Variants in CTNNA2 observed in about 807,000 individuals in gnomAD.
The protein encoded by CTNNA2 is catenin alpha 2, also known as catenin alpha-2.
In CTNNA2, 42 loss-of-function variants were observed where a neutral mutation model predicts 101.0. That is an observed-to-expected ratio of 0.42 (90% CI 0.32 to 0.54). The LOEUF is 0.54. Ranked by LOEUF, CTNNA2 falls within the 20% of genes least tolerant of loss-of-function variation. The probability of loss-of-function intolerance (pLI) is 0.14; values close to 1 mark genes in which losing one functional copy is unlikely to be tolerated. For synonymous variants in CTNNA2, 450 were observed against 456.4 expected, an observed-to-expected ratio of 0.99 and a Z score of 0.18; for missense variants, 871 against 1,223.1, an observed-to-expected ratio of 0.71 and a Z score of 4.29.
At chr2:80,272,913 T>G (rs568012152) in intron 7 of CTNNA2, among the ~76,000 whole-genome samples, 2 of 152,310 alleles carry the variant, frequency 1.3e-5, no homozygotes, top group Admixed American at 6.5e-5. Context: ...TAATTTTGAT[T>G]AGAAAATCTG....
intron 7 of CTNNA2, among the ~76,000 whole-genome samples, chr2:80,013,937 T>A (rs1693957901): frequency 6.6e-6 from 1 of 152,192 alleles, no homozygotes; most frequent in Non-Finnish European, 1.5e-5. Context: ...AGGCACTTGT[T>A]GAGTGCAGTC....
At chr2:80,324,254 G>T (rs960757060) in intron 7 of CTNNA2, among the ~76,000 whole-genome samples, 2 of 152,166 alleles carry the variant, frequency 1.3e-5, no homozygotes, top group African/African-American at 4.8e-5. Context: ...TTTGAAGGGG[G>T]TCGACAAAGG....
At chr2:79,780,988 G>C (rs570634819) in intron 3 of CTNNA2, among the ~76,000 whole-genome samples, 4 of 152,246 alleles carry the variant, frequency 2.6e-5, no homozygotes. Flanking sequence ...CCAAGAGAGG[G>C]TTCTTGGATC....
rs539960461 is a variant in CTNNA2 at position 80,452,211 on chromosome 2, T to G, written c.1290+32610T>G. 4.5e-4 allele frequency among the ~76,000 whole-genome samples: 69 copies of G among 151,990 alleles called. No individual in the cohort carries two copies. The South Asian group carries it at 0.01, about 23-fold the overall frequency. ...ACCTAGTACATAATGCAATCAGGAT[T>G]CACAGCTAGGTTTATTTAACTTCAG... On this transcript the variant is annotated intron_variant, in intron 9 of 18. Coordinates refer to ENST00000402739, the MANE Select transcript of CTNNA2 (RefSeq NM_001282597.3).
At chr2:79,900,856 A>T (rs1685024874) in intron 6 of CTNNA2, among the ~76,000 whole-genome samples, 1 of 152,196 alleles carries the variant, frequency 6.6e-6, no homozygotes, top group Non-Finnish European at 1.5e-5. Context: ...TGGACACCTC[A>T]TTTACCCTGA....
intron 13 of CTNNA2, among the ~76,000 whole-genome samples, chr2:80,581,322 T>A (rs1695520971): frequency 1.3e-5 from 2 of 152,136 alleles, no homozygotes; most frequent in South Asian, 4.1e-4. Flanking sequence ...GATAATCAAC[T>A]TTTTTGTTTA....
intron 9 of CTNNA2, among the ~76,000 whole-genome samples, chr2:80,461,919 G>A (rs1440029112): frequency 6.6e-6 from 1 of 152,208 alleles, no homozygotes; most frequent in Non-Finnish European, 1.5e-5. Flanking sequence ...TATGCAAGTT[G>A]TCAGCAAGGG....
At chr2:80,116,059 T>C (rs1701498071) in intron 7 of CTNNA2, among the ~76,000 whole-genome samples, 2 of 152,170 alleles carry the variant, frequency 1.3e-5, no homozygotes, top group South Asian at 2.1e-4. Context: ...ATAAACTTTT[T>C]TTTTTCCCGT....
At chr2:79,352,460 T>C (rs11676248) in intron 3 of CTNNA2, among the ~76,000 whole-genome samples, 45,801 of 152,002 alleles carry the variant, frequency 0.3, 7,031 homozygotes, top group Middle Eastern at 0.44. Context: ...TTGTGCTTAT[T>C]TGGATATTCT....
chr2:80,129,637 G>A (rs1702309136), intron 7 of CTNNA2, among the ~76,000 whole-genome samples: 1 of 152,168 alleles, frequency 6.6e-6, no homozygotes, highest in African/African-American at 2.4e-5. Flanking sequence ...CTACATGTCA[G>A]ATGCCAAGCT....
chr2:79,953,006 G>A (rs983371335), intron 7 of CTNNA2, among the ~76,000 whole-genome samples: 1 of 152,140 alleles, frequency 6.6e-6, no homozygotes, highest in Admixed American at 6.6e-5. Context: ...TGATGTCTCA[G>A]GATGTAGCCC....
At chr2:79,763,787 G>A (rs1041064456) in intron 3 of CTNNA2, among the ~76,000 whole-genome samples, 1 of 152,202 alleles carries the variant, frequency 6.6e-6, no homozygotes, top group African/African-American at 2.4e-5. Flanking sequence ...ACTCCTAGAA[G>A]TTTCCCCTTG....
chr2:80,119,497 T>C (rs74667811), intron 7 of CTNNA2, among the ~76,000 whole-genome samples: 12 of 152,320 alleles, frequency 7.9e-5, no homozygotes, highest in African/African-American at 2.6e-4. Context: ...ATGTCCATCA[T>C]TAGTTTTGAT....
At chr2:79,846,808 A>G (rs762494920) in intron 3 of CTNNA2, among the ~76,000 whole-genome samples, 2 of 152,368 alleles carry the variant, frequency 1.3e-5, no homozygotes, top group Admixed American at 6.5e-5. Context: ...ATGTCTTTCA[A>G]ATATATGTAG....
chr2:80,306,549 G>A (rs1677045371), intron 7 of CTNNA2, among the ~76,000 whole-genome samples: 1 of 151,706 alleles, frequency 6.6e-6, no homozygotes, highest in South Asian at 2.1e-4. Context: ...GCATTTGCAT[G>A]TTTCATCCTG....
chr2:80,123,369 A>G (rs1431862346), intron 7 of CTNNA2, among the ~76,000 whole-genome samples: 1 of 151,644 alleles, frequency 6.6e-6, no homozygotes, highest in African/African-American at 2.4e-5. Context: ...GGGCTGCAGA[A>G]GTGATGAAAG....
chr2:80,580,259 CTAT>C (rs1474813436), intron 13 of CTNNA2, among the ~76,000 whole-genome samples: 8 of 152,254 alleles, frequency 5.3e-5, no homozygotes, highest in Middle Eastern at 3.4e-3. Flanking sequence ...GCACAGTTAT[CTAT>C]TATTATTGCC....
chr2:79,311,200 G>A (rs887032283), intron 2 of CTNNA2, among the ~76,000 whole-genome samples: 7 of 152,034 alleles, frequency 4.6e-5, no homozygotes, highest in African/African-American at 1.7e-4. Flanking sequence ...ACGAGGTCAG[G>A]AGATCGAGAC....
At chr2:80,359,163 C>T (rs1674142688) in intron 7 of CTNNA2, among the ~76,000 whole-genome samples, 1 of 152,048 alleles carries the variant, frequency 6.6e-6, no homozygotes, top group South Asian at 2.1e-4. Context: ...ATTACTTGAG[C>T]TCAGGAGTTC....
Sources: gnomAD v4.1 joint callset for allele counts (sites outside exome capture counted in the v4.1 genomes callset) on GRCh38, gnomAD v4.1.1 for gene constraint, MANE v1.5 for transcripts, NCBI Gene and HGNC (gene_info 2026-07-23, HGNC 2026-07-21) for gene names.